The following TEX11 variants were observed in gnomAD, a reference collection of about 807,000 sequenced individuals.
TEX11 encodes testis expressed 11.
Under a neutral mutation model 84.4 loss-of-function variants are expected in TEX11, and 7 were observed. The observed-to-expected ratio is 0.08, with a 90% CI of 0.05 to 0.16. The LOEUF (loss-of-function observed/expected upper bound fraction) is 0.16. TEX11 is among the 10% of genes least tolerant of loss of function. The pLI is 1.00. For synonymous variants in TEX11, 264 were observed against 222.8 expected, an observed-to-expected ratio of 1.18 and a Z score of -1.64; for missense variants, 551 against 660.5, an observed-to-expected ratio of 0.83 and a Z score of 1.82.
At chrX:70,572,893 C>G (rs968964921) in intron 25 of TEX11, among the ~76,000 whole-genome samples, 1 of 106,549 alleles carries the variant, frequency 9.4e-6, no homozygotes, top group Non-Finnish European at 1.9e-5. Context: ...GGAGATATAC[C>G]TAATGTTAAA....
chrX:70,785,815 A>G (rs1223502914), intron 9 of TEX11, among the ~76,000 whole-genome samples: 2 of 111,970 alleles, frequency 1.8e-5, no homozygotes, highest in African/African-American at 6.5e-5. Context: ...AAAGTCAGGA[A>G]ACAACAGGTG....
chrX:70,578,121 A>G (rs1379741391), intron 25 of TEX11, among the ~76,000 whole-genome samples: 1 of 112,264 alleles, frequency 8.9e-6, no homozygotes, highest in Non-Finnish European at 1.9e-5. Context: ...TAACTCCTAG[A>G]TTGTTTACAT....
At chrX:70,701,476 C>T (rs2090325475) in intron 13 of TEX11, among the ~76,000 whole-genome samples, 1 of 111,928 alleles carries the variant, frequency 8.9e-6, no homozygotes, top group African/African-American at 3.2e-5. Context: ...AACCATTGCT[C>T]AGAAGAAAAG....
chrX:70,524,683 A>G (rs2087806640), downstream of TEX11, among the ~76,000 whole-genome samples: 1 of 112,326 alleles, frequency 8.9e-6, no homozygotes, highest in African/African-American at 3.2e-5. Context: ...CTCCTGCCTC[A>G]GCCTCCCGAG....
At chrX:70,865,086 A>G (rs901981178) in intron 4 of TEX11, among the ~76,000 whole-genome samples, 6 of 111,724 alleles carry the variant, frequency 5.4e-5, no homozygotes, top group African/African-American at 9.8e-5. Flanking sequence ...GCTCCAATTA[A>G]AAGACACAGA....
At chrX:70,623,133 C>A (rs1305534755) in intron 20 of TEX11, among the ~76,000 whole-genome samples, 1 of 111,647 alleles carries the variant, frequency 9.0e-6, no homozygotes, top group African/African-American at 3.3e-5. Context: ...TATGTTACCT[C>A]AGTCAAAGAT....
chrX:70,534,000 G>A (rs2087922160), intron 28 of TEX11, among the ~76,000 whole-genome samples: 2 of 105,746 alleles, frequency 1.9e-5, no homozygotes, highest in African/African-American at 6.9e-5. Context: ...GCTGAGGCAG[G>A]GGAATCGCTT....
At chrX:70,650,608 T>C (rs2089799322) in intron 17 of TEX11, among the ~76,000 whole-genome samples, 1 of 111,912 alleles carries the variant, frequency 8.9e-6, no homozygotes, top group Non-Finnish European at 1.9e-5. Context: ...TACTTTACTA[T>C]TCTGGAACAT....
At chrX:70,856,394 T>C (rs1222253732) in intron 5 of TEX11, among the ~76,000 whole-genome samples, 1 of 110,630 alleles carries the variant, frequency 9.0e-6, no homozygotes, top group East Asian at 2.8e-4. Context: ...TTTTAAAATA[T>C]TTTATATTTT....
chrX:70,707,855 A>G (rs1413728819), intron 13 of TEX11, among the ~76,000 whole-genome samples: 1 of 110,881 alleles, frequency 9.0e-6, no homozygotes, highest in Non-Finnish European at 1.9e-5. Context: ...ACCCTTCTTG[A>G]CATTAGCCTT....
At chrX:70,866,779 A>G (rs1405577177) in intron 4 of TEX11, among the ~76,000 whole-genome samples, 3 of 112,217 alleles carry the variant, frequency 2.7e-5, no homozygotes, top group African/African-American at 9.7e-5. Flanking sequence ...GCATAAACAG[A>G]ACCAATGACA....
chrX:70,630,313 GA>G (rs367757066), intron 17 of TEX11, among the ~76,000 whole-genome samples: 120 of 60,108 alleles, frequency 2.0e-3, no homozygotes, highest in Middle Eastern at 0.011. Context: ...CTCTGTCTCA[GA>G]AAAAAAAAAA....
At chrX:70,841,156 C>A (rs1318099336) in intron 7 of TEX11, among the ~76,000 whole-genome samples, 4 of 111,023 alleles carry the variant, frequency 3.6e-5, no homozygotes, top group East Asian at 2.8e-4. Flanking sequence ...GAACTCTCCA[C>A]CCCAAATCAA....
chrX:70,696,900 C>G (rs939776375), intron 13 of TEX11, among the ~76,000 whole-genome samples: 1 of 112,243 alleles, frequency 8.9e-6, no homozygotes, highest in African/African-American at 3.2e-5. Context: ...ACTGGCCATC[C>G]TGGGCTCTTA....
At chrX:70,658,496 A>G (rs1433000543) in intron 16 of TEX11, among the ~76,000 whole-genome samples, 1 of 112,157 alleles carries the variant, frequency 8.9e-6, no homozygotes, top group Non-Finnish European at 1.9e-5. Context: ...GCTAAGGAAA[A>G]TATTAGAAGT....
chrX:70,774,866 C>T (rs1284297395), intron 9 of TEX11, among the ~76,000 whole-genome samples: 1 of 111,305 alleles, frequency 9.0e-6, no homozygotes, highest in African/African-American at 3.3e-5. Context: ...TAAAAAAGAA[C>T]TTGAATAGCC....
At chrX:70,813,923 C>A (rs1195912770) in intron 8 of TEX11, among the ~76,000 whole-genome samples, 7 of 111,520 alleles carry the variant, frequency 6.3e-5, no homozygotes, top group Non-Finnish European at 9.4e-5. Context: ...AGGAGAACTA[C>A]AAATCACTGC....
chrX:70,850,658 GGGA>G (rs1225878765), intron 7 of TEX11, among the ~76,000 whole-genome samples: 2 of 110,908 alleles, frequency 1.8e-5, no homozygotes, highest in Non-Finnish European at 3.8e-5. Flanking sequence ...GGGAGGTTGA[GGGA>G]GGAGGATCCC....
chrX:70,907,467 C>T (rs2091839948), intron 2 of TEX11, among the ~76,000 whole-genome samples: 1 of 109,977 alleles, frequency 9.1e-6, no homozygotes, highest in Non-Finnish European at 1.9e-5. Context: ...AGCGCAGTGG[C>T]GCAGTCTCTG....
Sources: gnomAD v4.1 joint callset for allele counts (sites outside exome capture counted in the v4.1 genomes callset) on GRCh38, gnomAD v4.1.1 for gene constraint, MANE v1.5 for transcripts, NCBI Gene and HGNC (gene_info 2026-07-23, HGNC 2026-07-21) for gene names.